Variants in KCNK3 observed in about 807,000 individuals in gnomAD.
The protein encoded by KCNK3 is potassium two pore domain channel subfamily K member 3, also known as potassium channel subfamily K member 3.
A neutral mutation model predicts 27.3 loss-of-function variants in KCNK3; 9 were observed. The ratio of observed to expected loss-of-function variants is 0.33; its 90% CI spans 0.20 to 0.57. The LOEUF (loss-of-function observed/expected upper bound fraction) is 0.57, where lower values mean the gene tolerates loss of function less well. KCNK3 is among the 20% of genes least tolerant of loss of function. KCNK3 has a pLI of 0.87. For missense variants in KCNK3, 391 were observed against 577.7 expected, an observed-to-expected ratio of 0.68 and a Z score of 3.31; for synonymous variants, 278 against 273.8, an observed-to-expected ratio of 1.02 and a Z score of -0.15.
At chr2:26,726,086 C>T (rs1558603903) in intron 1 of KCNK3, among the ~76,000 whole-genome samples, 1 of 106,138 alleles carries the variant, frequency 9.4e-6, no homozygotes, top group South Asian at 3.0e-4. Flanking sequence ...CATGCATACA[C>T]ACACACACAC....
At chr2:26,710,803 A>G (rs1572607689) in intron 1 of KCNK3, among the ~76,000 whole-genome samples, 1 of 152,292 alleles carries the variant, frequency 6.6e-6, no homozygotes, top group African/African-American at 2.4e-5. Context: ...AATAGAGCAG[A>G]CCCAACACCC....
At chr2:26,726,409 A>G (rs1663421701) in intron 1 of KCNK3, among the ~76,000 whole-genome samples, 4 of 152,250 alleles carry the variant, frequency 2.6e-5, no homozygotes, top group African/African-American at 9.6e-5. Context: ...GGCAGAGATC[A>G]TAAGCTGTGA....
chr2:26,700,260 T>A lies in KCNK3; in HGVS notation c.283+7102T>A, dbSNP rs1213797277. Among the ~76,000 whole-genome samples the A allele has an allele frequency of 6.6e-5, 10 of 152,334 alleles. No individual in the cohort carries two copies. In the South Asian group the frequency reaches 1.9e-3, roughly 28 times the overall value. On this transcript the variant is annotated intron_variant, in intron 1 of 1. Coordinates refer to ENST00000302909, the MANE Select transcript of KCNK3 (RefSeq NM_002246.3). ...GGTCCTCAGAGAGCCACATGACAAA[T>A]GTCTTTCGTGGCAGCACAAAGAGCA...
rs764929590 is a variant in KCNK3, at chr2:26,693,182, C to A, written c.283+24C>A. On this transcript the variant is annotated intron_variant, in intron 1 of 1. Transcript: ENST00000302909. This position sits in a 1 kb window ranked among gnomAD's most constrained non-coding sequence, Gnocchi z 5.5. ...CGGTAACGGCTCGCCGGGCGGGGGG[C>A]GGGAACCCAGGGCTGGGCGCGGGGC... is the stretch of plus-strand genomic sequence containing the variant. 1.2e-5 allele frequency: 16 copies of A among 1,366,304 alleles called. No individual in the cohort carries two copies. The South Asian group carries it at 2.9e-4, about 24-fold the overall frequency. 84.6% of individuals were successfully genotyped at this position (1,366,304 alleles called of 1,614,324 possible).
At chr2:26,708,545 G>A (rs752389531) in intron 1 of KCNK3, among the ~76,000 whole-genome samples, 6 of 152,152 alleles carry the variant, frequency 3.9e-5, no homozygotes, top group Non-Finnish European at 7.3e-5. Context: ...CAGGCGTTGT[G>A]GCATGTGCCT....
chr2:26,697,120 C>T (rs531557780), intron 1 of KCNK3, among the ~76,000 whole-genome samples: 3 of 152,300 alleles, frequency 2.0e-5, no homozygotes, highest in East Asian at 1.9e-4. Context: ...CCTCAGGCCT[C>T]GGAAGCATGG....
In KCNK3 at chr2:26,727,899, C is replaced by T. The variant is rs374940025; in HGVS notation, c.516C>T (p.Cys172=). The T allele has an allele frequency of 6.2e-7, 1 of 1,614,104 alleles. No individual in the cohort carries two copies. Among genetic ancestry groups the T allele is most frequent in the Non-Finnish European group, 8.5e-7 (1 of 1,180,032 alleles). ...TCTTCTCGTGCATCAGCACGCTGTG[C>T]ATCGGCGCCGCCGCCTTCTCCCACT... The part of the protein sequence containing the change: ...IGFFSCISTL[C]IGAAAFSHYE... Residue 172 remains cysteine, a synonymous_variant, in exon 2 of 2, where the codon TGC becomes TGT. Coordinates refer to ENST00000302909, the MANE Select transcript of KCNK3 (RefSeq NM_002246.3).
intron 1 of KCNK3, among the ~76,000 whole-genome samples, chr2:26,709,382 G>T (rs558621058): frequency 1.3e-5 from 2 of 152,302 alleles, no homozygotes; most frequent in East Asian, 3.9e-4. Context: ...GTGCTGGGAG[G>T]TCAAGCAAGG....
chr2:26,708,813 G>A lies in KCNK3; in HGVS notation c.283+15655G>A, dbSNP rs188197835. Among the ~76,000 whole-genome samples, 20 of 152,326 alleles carry A rather than the reference G, an allele frequency of 1.3e-4. No homozygotes were observed. In the East Asian group the frequency reaches 1.9e-3, roughly 15 times the overall value. On this transcript the variant is annotated intron_variant, in intron 1 of 1. Coordinates refer to ENST00000302909, the MANE Select transcript of KCNK3 (RefSeq NM_002246.3). ...GCACTCTAGCTGCTCTGCAAAGATC[G>A]GATGGTGGCAGTGCAAACAAAAGCA...
intron 1 of KCNK3, among the ~76,000 whole-genome samples, chr2:26,700,622 G>A (rs991935905): frequency 6.6e-6 from 1 of 152,348 alleles, no homozygotes; most frequent in African/African-American, 2.4e-5. Flanking sequence ...AAGGGGCCAT[G>A]TGGCTGCCAG....
Position 26,693,178 on chromosome 2 carries a change from G to C in KCNK3, c.283+20G>C. On this transcript the variant is annotated intron_variant, in intron 1 of 1. Coordinates refer to ENST00000302909, the MANE Select transcript of KCNK3 (RefSeq NM_002246.3). The surrounding 1 kb of genome is among the most constrained non-coding windows in gnomAD (Gnocchi z 5.5). ...CCATCGGTAACGGCTCGCCGGGCGGGGGGCGGGAACCCAGGGCTGGGCGCG... is the reference window on the plus strand; with the variant it reads ...CCATCGGTAACGGCTCGCCGGGCGGCGGGCGGGAACCCAGGGCTGGGCGCG... 6.6e-7 allele frequency: 1 copy of C among 1,517,446 alleles called. No homozygotes were observed. The highest frequency in any genetic ancestry group is 8.9e-7 in the Non-Finnish European group (1 of 1,129,244). The allele number at this position is 1,517,446 out of a possible 1,614,324, so 94.0% of individuals were successfully genotyped here.
chr2:26,699,257 G>GAAAGAAAGAAAGAAAGAAAGAAAT (rs1281350400), intron 1 of KCNK3, among the ~76,000 whole-genome samples: 1 of 151,730 alleles, frequency 6.6e-6, no homozygotes, highest in Non-Finnish European at 1.5e-5. Flanking sequence ...AAGAAAGCCA[G>GAAAGAAAGAAAGAAAGAAAGAAAT]CCAAGGAGAA....
At chr2:26,714,261 G>C (rs1663184362) in intron 1 of KCNK3, among the ~76,000 whole-genome samples, 1 of 151,640 alleles carries the variant, frequency 6.6e-6, no homozygotes. Flanking sequence ...GGGTGGAGGG[G>C]AAGCAGCAGG....
intron 1 of KCNK3, among the ~76,000 whole-genome samples, chr2:26,723,684 C>T (rs553344739): frequency 1.3e-5 from 2 of 152,232 alleles, no homozygotes; most frequent in African/African-American, 4.8e-5. Flanking sequence ...TCTGGGCCTC[C>T]ATTTCCTCAT....
chr2:26,699,041 G>T (rs1387989106), intron 1 of KCNK3, among the ~76,000 whole-genome samples: 1 of 152,040 alleles, frequency 6.6e-6, no homozygotes, highest in African/African-American at 2.4e-5. Context: ...AGCCGGGCAT[G>T]GTAGCACACG....
chr2:26,700,581 C>G (rs967992391), intron 1 of KCNK3, among the ~76,000 whole-genome samples: 1 of 152,254 alleles, frequency 6.6e-6, no homozygotes, highest in Non-Finnish European at 1.5e-5. Context: ...ACCCCTGCTT[C>G]CTCCAGTGAC....
chr2:26,709,349 C>T (rs1171820603), intron 1 of KCNK3, among the ~76,000 whole-genome samples: 1 of 152,104 alleles, frequency 6.6e-6, no homozygotes, highest in African/African-American at 2.4e-5. Context: ...GCAAGAAGAG[C>T]AGAGCGCCCA....
chr2:26,711,543 G>A (rs1663109139), intron 1 of KCNK3, among the ~76,000 whole-genome samples: 1 of 152,182 alleles, frequency 6.6e-6, no homozygotes, highest in Non-Finnish European at 1.5e-5. Context: ...AAGGGAGGCA[G>A]TATAGGGGAG....
At position 26,692,913 on chromosome 2, in the gene KCNK3, T is replaced by C. The variant is rs1245059082; in HGVS notation, c.38T>C (p.Val13Ala). The C allele has an allele frequency of 6.6e-7, 1 of 1,518,222 alleles. No homozygotes were observed. The highest frequency in any genetic ancestry group is 2.6e-5 in the East Asian group (1 of 38,222). 94.0% of individuals were successfully genotyped at this position (1,518,222 alleles called of 1,614,324 possible). The part of the protein sequence containing the change: ...RQNVRTLALI[V>A]CTFTYLLVGA... Reference sequence around the variant, plus strand: ...AACGTGCGCACGCTGGCGCTCATCGTGTGCACCTTCACCTACCTGCTGGTG... The same window carrying C: ...AACGTGCGCACGCTGGCGCTCATCGCGTGCACCTTCACCTACCTGCTGGTG... The change falls in exon 1 of 2, where the codon GTG becomes GCG. Residue 13 changes from valine (V) to alanine (A), a missense_variant. Physicochemically the swap from Val to Ala is moderately conservative, Grantham distance 64 (BLOSUM62 0). Around this residue, in one of 4 missense-constraint regions of KCNK3, gnomAD observed 158 missense variants for 267.7 expected, o/e 0.59. Transcript: ENST00000302909. The surrounding 1 kb of genome is among the most constrained non-coding windows in gnomAD (Gnocchi z 5.6).
Sources: allele counts gnomAD v4.1 joint callset (sites outside exome capture counted in the v4.1 genomes callset), GRCh38; gene constraint gnomAD v4.1.1; regional missense constraint gnomAD v4.1.1; non-coding constraint Gnocchi (gnomAD v3.1); transcripts MANE v1.5; gene names NCBI Gene and HGNC (gene_info 2026-07-23, HGNC 2026-07-21).